The following CALN1 variants were observed in gnomAD, a reference collection of about 807,000 sequenced individuals.
CALN1 encodes the protein calcium-binding protein 8.
CALN1 carries 17 observed loss-of-function variants against 30.6 expected under a neutral mutation model. The observed-to-expected ratio is 0.56, with a 90% CI of 0.38 to 0.83. CALN1 has a LOEUF of 0.83. Among genes scored for constraint, CALN1 ranks in the 40% least tolerant of loss-of-function variants. CALN1 has a pLI of 0.00. For missense variants in CALN1, 291 were observed against 354.9 expected (o/e 0.82, Z 1.45); for synonymous variants, 156 against 131.4 (o/e 1.19, Z -1.28).
At chr7:72,362,076 A>T (rs1437165723) in intron 2 of CALN1, among the ~76,000 whole-genome samples, 3 of 152,148 alleles carry the variant, frequency 2.0e-5, no homozygotes. Flanking sequence ...CCATAGTGCC[A>T]TTTCTTCCTT....
intron 5 of CALN1, among the ~76,000 whole-genome samples, chr7:71,820,161 T>C (rs963114757): frequency 9.2e-5 from 14 of 152,210 alleles, no homozygotes; most frequent in African/African-American, 3.4e-4. Context: ...CCTTGGTCTC[T>C]ACAATCCTTA....
chr7:72,354,353 T>C (rs532758046), intron 2 of CALN1, among the ~76,000 whole-genome samples: 7 of 152,330 alleles, frequency 4.6e-5, no homozygotes, highest in African/African-American at 1.4e-4. Context: ...GATTAGAGGT[T>C]TGATAATTTT....
chr7:71,966,055 C>G (rs1422395760), intron 5 of CALN1, among the ~76,000 whole-genome samples: 1 of 152,126 alleles, frequency 6.6e-6, no homozygotes, highest in Non-Finnish European at 1.5e-5. Context: ...TCAGCTGAGA[C>G]AATTTCTATT....
At chr7:72,336,587 G>A (rs550700867) in intron 2 of CALN1, 21 of 642,364 alleles carry the variant, frequency 3.3e-5, no homozygotes, top group Admixed American at 1.3e-4. Flanking sequence ...CCCACTCTGA[G>A]CACCAGGGCC....
At chr7:72,178,410 G>A (rs1190446722) in intron 3 of CALN1, among the ~76,000 whole-genome samples, 3 of 152,120 alleles carry the variant, frequency 2.0e-5, no homozygotes, top group Non-Finnish European at 4.4e-5. Context: ...AGGGTTCCTT[G>A]GGCCAGGAGC....
At chr7:72,368,195 A>G (rs147799975) in intron 2 of CALN1, among the ~76,000 whole-genome samples, 170 of 151,242 alleles carry the variant, frequency 1.1e-3, no homozygotes, top group African/African-American at 4.0e-3. Context: ...CTGTATATAT[A>G]TATGTGTGTG....
At chr7:72,393,209 T>C (rs1292045807) in intron 2 of CALN1, among the ~76,000 whole-genome samples, 1 of 152,154 alleles carries the variant, frequency 6.6e-6, no homozygotes, top group East Asian at 1.9e-4. Flanking sequence ...GGCTCACACC[T>C]GTAATCCCAG....
intron 4 of CALN1, among the ~76,000 whole-genome samples, chr7:72,046,452 C>T (rs999339976): frequency 6.6e-6 from 1 of 151,932 alleles, no homozygotes; most frequent in African/African-American, 2.4e-5. Flanking sequence ...TGGCTCATGC[C>T]TGTAATCCCA....
intron 5 of CALN1, among the ~76,000 whole-genome samples, chr7:71,891,776 T>C (rs1160775831): frequency 6.6e-6 from 1 of 152,084 alleles, no homozygotes; most frequent in Non-Finnish European, 1.5e-5. Context: ...AAGCCCCGTC[T>C]CTACTAAAAA....
chr7:71,994,998 G>A (rs1055974687), intron 5 of CALN1, among the ~76,000 whole-genome samples: 10 of 152,052 alleles, frequency 6.6e-5, no homozygotes, highest in South Asian at 2.1e-4. Context: ...GACTACAGGC[G>A]CCCGCCACCA....
chr7:72,301,607 T>C (rs1229145001), intron 2 of CALN1, among the ~76,000 whole-genome samples: 2 of 41,702 alleles, frequency 4.8e-5, no homozygotes, highest in Non-Finnish European at 9.0e-5. Flanking sequence ...AGACTTTGTC[T>C]CTCAAAAAAA....
chr7:72,322,821 A>C (rs905006268), intron 2 of CALN1, among the ~76,000 whole-genome samples: 1 of 152,090 alleles, frequency 6.6e-6, no homozygotes, highest in African/African-American at 2.4e-5. Context: ...CTTGTTCATA[A>C]CACAAGGGAT....
chr7:71,847,839 AG>A lies in CALN1; in HGVS notation c.502-37348del, dbSNP rs1485188054. ...AAGGAGAAGGAGAAGGAGAAGGAGA[AG>A]GAGAAGGAGAAGAAGAAGAGGAAAG... On this transcript the variant is annotated intron_variant, in intron 5 of 6. Coordinates refer to ENST00000395275, the MANE Select transcript of CALN1 (RefSeq NM_031468.4). Among the ~76,000 whole-genome samples, 368 of 105,336 alleles carry A rather than the reference AG, an allele frequency of 3.5e-3. 3 individuals are homozygous for A. Among genetic ancestry groups the A allele is most frequent in the Admixed American group, 7.6e-3 (78 of 10,250 alleles). The allele number at this position is 105,336 out of a possible 152,430, so 69.1% of individuals were successfully genotyped here.
intron 5 of CALN1, among the ~76,000 whole-genome samples, chr7:71,927,600 G>A (rs1795334250): frequency 1.3e-5 from 2 of 152,066 alleles, no homozygotes; most frequent in South Asian, 2.1e-4. Context: ...CTTAGCTTTT[G>A]TCTTTCTCTG....
chr7:72,325,978 T>G (rs1801249776), intron 2 of CALN1, among the ~76,000 whole-genome samples: 1 of 152,210 alleles, frequency 6.6e-6, no homozygotes, highest in African/African-American at 2.4e-5. Context: ...CTCAGCTCAC[T>G]GCAACCTCCA....
chr7:72,394,979 A>T (rs955279404), intron 2 of CALN1, among the ~76,000 whole-genome samples: 2 of 152,088 alleles, frequency 1.3e-5, no homozygotes, highest in African/African-American at 4.8e-5. Flanking sequence ...CTTGTCTTGT[A>T]AGTGAATGAA....
intron 3 of CALN1, among the ~76,000 whole-genome samples, chr7:72,120,129 T>C (rs1411744115): frequency 2.0e-5 from 3 of 152,000 alleles, no homozygotes; most frequent in Admixed American, 6.6e-5. Flanking sequence ...TATCTATTGT[T>C]CCCATCTTTA....
chr7:71,965,029 T>G (rs918524161), intron 5 of CALN1, among the ~76,000 whole-genome samples: 4 of 152,160 alleles, frequency 2.6e-5, no homozygotes, highest in Non-Finnish European at 5.9e-5. Flanking sequence ...CGTTTTATTT[T>G]TAACTTTTTA....
chr7:72,326,653 C>T (rs1337988791), intron 2 of CALN1, among the ~76,000 whole-genome samples: 1 of 152,214 alleles, frequency 6.6e-6, no homozygotes, highest in Non-Finnish European at 1.5e-5. Context: ...GGCCTGTTAT[C>T]AGTACACAAA....
Sources: gnomAD v4.1 joint callset for allele counts (sites outside exome capture counted in the v4.1 genomes callset) on GRCh38, gnomAD v4.1.1 for gene constraint, MANE v1.5 for transcripts, NCBI Gene and HGNC (gene_info 2026-07-23, HGNC 2026-07-21) for gene names.